Variants in STPG2 observed in about 807,000 individuals in gnomAD.
STPG2 encodes the protein sperm-tail PG-rich repeat-containing protein 2.
Under a neutral mutation model 54.2 loss-of-function variants are expected in STPG2, and 56 were observed. The observed-to-expected ratio is 1.03, with a 90% CI of 0.83 to 1.29. The LOEUF is 1.29. Among genes scored for constraint, STPG2 ranks in the 50% most tolerant of loss-of-function variants. The pLI is 0.00. For missense variants in STPG2, 596 were observed against 544.9 expected, an observed-to-expected ratio of 1.09 and a Z score of -0.93; for synonymous variants, 200 against 181.8, an observed-to-expected ratio of 1.10 and a Z score of -0.81.
chr4:97,950,140 T>C (rs528196167), intron 7 of STPG2, among the ~76,000 whole-genome samples: 1 of 152,158 alleles, frequency 6.6e-6, no homozygotes, highest in African/African-American at 2.4e-5. Context: ...TATCCTGAAA[T>C]TTTTTTAATT....
At chr4:97,699,564 T>A (rs1415932569) in intron 10 of STPG2, among the ~76,000 whole-genome samples, 4 of 152,206 alleles carry the variant, frequency 2.6e-5, no homozygotes, top group Non-Finnish European at 4.4e-5. Context: ...TAATCGTACA[T>A]CTGGCCATTT....
In STPG2 at chr4:97,788,547, T is replaced by C. The variant is rs372220342; in HGVS notation, c.1204+52226A>G. On this transcript the variant is annotated intron_variant, in intron 9 of 10. Coordinates refer to ENST00000295268, the MANE Select transcript of STPG2 (RefSeq NM_174952.3). ...GCTGCCATAAACATCACAGTACAGATATCTCTTTGATATAATGATTTCCTT... is the reference window on the plus strand; with the variant it reads ...GCTGCCATAAACATCACAGTACAGACATCTCTTTGATATAATGATTTCCTT... Among the ~76,000 whole-genome samples the C allele has an allele frequency of 1.7e-4, 26 of 152,274 alleles. No homozygotes were observed. The South Asian group carries it at 2.5e-3, about 15-fold the overall frequency.
intron 8 of STPG2, among the ~76,000 whole-genome samples, chr4:97,852,615 C>A (rs1729196692): frequency 1.3e-5 from 2 of 152,084 alleles, no homozygotes; most frequent in African/African-American, 4.8e-5. Context: ...CCTTGCTTTT[C>A]TAAGTTATAA....
intron 3 of STPG2, among the ~76,000 whole-genome samples, chr4:98,116,161 T>C (rs1464895076): frequency 2.0e-5 from 3 of 151,826 alleles, no homozygotes; most frequent in African/African-American, 4.8e-5. Flanking sequence ...GTCTAAGTAA[T>C]GCTTATTCAT....
chr4:97,675,329 A>G (rs1272982261), intron 10 of STPG2, among the ~76,000 whole-genome samples: 1 of 152,148 alleles, frequency 6.6e-6, no homozygotes, highest in Non-Finnish European at 1.5e-5. Context: ...CAAGATTTCT[A>G]TGAAGTATAA....
intron 10 of STPG2, among the ~76,000 whole-genome samples, chr4:97,643,230 GAAC>G (rs1162105925): frequency 6.6e-6 from 1 of 151,358 alleles, no homozygotes; most frequent in East Asian, 1.9e-4. Context: ...CAATTTCAGT[GAAC>G]AACCTTTTAA....
At chr4:97,520,718 C>T (rs1023084721) in intron 4 of STPG2, among the ~76,000 whole-genome samples, 1 of 152,000 alleles carries the variant, frequency 6.6e-6, no homozygotes, top group Non-Finnish European at 1.5e-5. Flanking sequence ...TTCCACTTCA[C>T]AGATCTGTTA....
intron 10 of STPG2, among the ~76,000 whole-genome samples, chr4:97,565,827 G>A (rs895008057): frequency 7.2e-6 from 1 of 138,340 alleles, no homozygotes; most frequent in Admixed American, 8.0e-5. Context: ...GCCGTGTGAG[G>A]TGTCATTCTG....
intron 5 of STPG2, among the ~76,000 whole-genome samples, chr4:98,065,667 C>T (rs1382621877): frequency 1.3e-5 from 2 of 152,154 alleles, no homozygotes; most frequent in Non-Finnish European, 2.9e-5. Context: ...GAGGCTATCA[C>T]TGCAACAACC....
chr4:97,900,167 A>G (rs934408885), intron 8 of STPG2, among the ~76,000 whole-genome samples: 1 of 152,104 alleles, frequency 6.6e-6, no homozygotes, highest in Non-Finnish European at 1.5e-5. Flanking sequence ...GCATTTGGGG[A>G]AAAAATGCTG....
chr4:97,490,714 C>G (rs937502779), intron 4 of STPG2, among the ~76,000 whole-genome samples: 4 of 151,550 alleles, frequency 2.6e-5, no homozygotes, highest in Non-Finnish European at 5.9e-5. Flanking sequence ...AATATGAAAA[C>G]TAACATGCCA....
chr4:98,055,346 C>T (rs1272046790), intron 5 of STPG2, among the ~76,000 whole-genome samples: 1 of 151,694 alleles, frequency 6.6e-6, no homozygotes, highest in Non-Finnish European at 1.5e-5. Flanking sequence ...AGATGACTGC[C>T]ATGTTTTTTA....
At chr4:98,141,473 C>T (rs1315496745) in intron 1 of STPG2, among the ~76,000 whole-genome samples, 1 of 152,202 alleles carries the variant, frequency 6.6e-6, no homozygotes, top group Non-Finnish European at 1.5e-5. Context: ...TCTCCACAAT[C>T]CTGTATCTTA....
chr4:97,883,445 C>A (rs1193513526), intron 8 of STPG2, among the ~76,000 whole-genome samples: 5 of 151,268 alleles, frequency 3.3e-5, no homozygotes, highest in Non-Finnish European at 5.9e-5. Context: ...ACAGTTATGA[C>A]CCAGATGTTG....
chr4:97,592,972 T>C (rs1487460225), intron 10 of STPG2, among the ~76,000 whole-genome samples: 1 of 152,122 alleles, frequency 6.6e-6, no homozygotes, highest in South Asian at 2.1e-4. Flanking sequence ...AGGCACATCA[T>C]GCTCCTCTAA....
rs1209944170 is a variant in STPG2, at chr4:97,979,308, AG to A, written c.772+1850del. On this transcript the variant is annotated intron_variant, in intron 6 of 10. Transcript: ENST00000295268. Reference sequence around the variant, plus strand: ...CCTAAAAGGCAGAACAAACAACCACAGAAAATCATTCCCCCCAGAGAGCCTT... The same window carrying A: ...CCTAAAAGGCAGAACAAACAACCACAAAAATCATTCCCCCCAGAGAGCCTT... 5.9e-5 allele frequency among the ~76,000 whole-genome samples: 9 copies of A among 152,302 alleles called. No homozygotes were observed. In the East Asian group the frequency reaches 1.7e-3, roughly 29 times the overall value.
chr4:98,082,345 A>G (rs763247163), intron 5 of STPG2, among the ~76,000 whole-genome samples: 66 of 125,212 alleles, frequency 5.3e-4, no homozygotes, highest in Non-Finnish European at 9.4e-4. Flanking sequence ...CAGACAGGAG[A>G]CCCAGAGCTG....
At chr4:98,127,004 T>C (rs1386759192) in intron 3 of STPG2, among the ~76,000 whole-genome samples, 1 of 151,802 alleles carries the variant, frequency 6.6e-6, no homozygotes, top group Non-Finnish European at 1.5e-5. Flanking sequence ...ACTCATACGG[T>C]TATATCTGGA....
chr4:97,507,228 A>G (rs971252463), intron 4 of STPG2, among the ~76,000 whole-genome samples: 1 of 152,074 alleles, frequency 6.6e-6, no homozygotes, highest in Non-Finnish European at 1.5e-5. Flanking sequence ...AAGTTAAACC[A>G]CGAGGACACA....
Sources: allele counts gnomAD v4.1 joint callset (sites outside exome capture counted in the v4.1 genomes callset), GRCh38; gene constraint gnomAD v4.1.1; transcripts MANE v1.5; gene names NCBI Gene and HGNC (gene_info 2026-07-23, HGNC 2026-07-21).